The following CFAP61 variants were observed in gnomAD, a reference collection of about 807,000 sequenced individuals.
CFAP61 encodes the protein cilia- and flagella-associated protein 61.
CFAP61 carries 107 observed loss-of-function variants against 135.6 expected under a neutral mutation model. The ratio of observed to expected loss-of-function variants is 0.79; its 90% CI spans 0.67 to 0.93. The LOEUF (loss-of-function observed/expected upper bound fraction) is 0.93. Ranked by LOEUF, CFAP61 falls within the 40% of genes least tolerant of loss-of-function variation. The pLI is 0.00. For synonymous variants in CFAP61, 575 were observed against 578.5 expected (o/e 0.99, Z 0.09); for missense variants, 1,507 against 1,556.2 (o/e 0.97, Z 0.53).
intron 22 of CFAP61, among the ~76,000 whole-genome samples, chr20:20,283,087 A>T (rs996596852): frequency 1.3e-5 from 2 of 152,262 alleles, no homozygotes; most frequent in Admixed American, 1.3e-4. Context: ...TTCGACGCTC[A>T]TAAGTCTTTA....
At chr20:20,208,316 C>A (rs2056948931) in intron 17 of CFAP61, among the ~76,000 whole-genome samples, 1 of 152,214 alleles carries the variant, frequency 6.6e-6, no homozygotes, top group African/African-American at 2.4e-5. Flanking sequence ...AATTCTAGGT[C>A]ATTAAAGCTG....
At chr20:20,274,911 A>G (rs988970571) in intron 21 of CFAP61, among the ~76,000 whole-genome samples, 8 of 152,186 alleles carry the variant, frequency 5.3e-5, no homozygotes, top group Middle Eastern at 3.4e-3. Context: ...TTGAGATGAA[A>G]TCACTCAGGC....
At chr20:20,358,601 G>A (rs1203508082) in intron 26 of CFAP61, among the ~76,000 whole-genome samples, 1 of 152,184 alleles carries the variant, frequency 6.6e-6, no homozygotes, top group Non-Finnish European at 1.5e-5. Context: ...GAACCTCCCA[G>A]TACTTAGTTG....
Position 20,052,533 on chromosome 20 carries a change from G to A in CFAP61, c.-95G>A, listed in dbSNP as rs750771442. The A allele has an allele frequency of 4.3e-6, 7 of 1,614,140 alleles. No individual in the cohort carries two copies. The highest frequency in any genetic ancestry group is 1.3e-5 in the African/African-American group (1 of 74,960). On this transcript the variant is annotated 5_prime_UTR_variant, in exon 1 of 27. Transcript: ENST00000245957. The stretch of plus-strand genomic sequence containing the variant: ...GGCGGCACCGTTTCCATGGTGACCA[G>A]GCTGCGCGTCCTCCTTGCGGCAGCG...
At chr20:20,186,862 C>T (rs1479135712) in intron 13 of CFAP61, among the ~76,000 whole-genome samples, 2 of 152,092 alleles carry the variant, frequency 1.3e-5, no homozygotes, top group African/African-American at 4.8e-5. Context: ...AGTAATAATA[C>T]CCTAGTAACT....
chr20:20,120,149 C>T (rs572738441), intron 8 of CFAP61, among the ~76,000 whole-genome samples: 125 of 152,184 alleles, frequency 8.2e-4, no homozygotes, highest in Non-Finnish European at 1.4e-3. Flanking sequence ...TTTTTGCTCC[C>T]ATCTTTATTT....
At chr20:20,169,219 A>G in intron 12 of CFAP61, 102 bp from the exon 13 acceptor site, 1 of 1,135,502 alleles carries the variant, frequency 8.8e-7, no homozygotes, top group South Asian at 1.7e-5. Flanking sequence ...CTCCTTAATC[A>G]ACACATTTTG....
intron 22 of CFAP61, among the ~76,000 whole-genome samples, chr20:20,287,418 C>T (rs1275959625): frequency 2.0e-5 from 3 of 152,198 alleles, no homozygotes; most frequent in African/African-American, 7.2e-5. Context: ...CTATAGCTAA[C>T]TGAGCACTTA....
At chr20:20,134,775 A>C (rs1232525361) in intron 8 of CFAP61, among the ~76,000 whole-genome samples, 5 of 152,124 alleles carry the variant, frequency 3.3e-5, no homozygotes, top group Non-Finnish European at 7.4e-5. Flanking sequence ...AATAAGAGTG[A>C]ATGGATTATT....
intron 10 of CFAP61, among the ~76,000 whole-genome samples, chr20:20,161,561 AGT>A (rs1252262800): frequency 6.6e-6 from 1 of 152,150 alleles, no homozygotes; most frequent in Non-Finnish European, 1.5e-5. Flanking sequence ...ACTGGTGAAA[AGT>A]GTGTGAATTC....
chr20:20,151,345 C>A (rs376453694), intron 9 of CFAP61, among the ~76,000 whole-genome samples: 28 of 148,388 alleles, frequency 1.9e-4, no homozygotes, highest in South Asian at 2.1e-4. Context: ...CCCAATTAGA[C>A]AAAAAAAAAA....
chr20:20,251,914 C>T, intron 20 of CFAP61, 151 bp downstream of exon 20: 1 of 758,848 alleles, frequency 1.3e-6, no homozygotes, highest in Non-Finnish European at 2.1e-6. Context: ...CCCTTCAGGG[C>T]CCGCACACAT....
At chr20:20,268,645 G>C (rs1352807973) in intron 21 of CFAP61, among the ~76,000 whole-genome samples, 4 of 152,198 alleles carry the variant, frequency 2.6e-5, no homozygotes, top group South Asian at 2.1e-4. Flanking sequence ...ATGGAGAAGA[G>C]CTGACATCAC....
Position 20,360,256 on chromosome 20 carries a change from A to T in CFAP61, c.3560A>T (p.Asp1187Val). Reference protein sequence around the residue: ...SIEQLAHQIEDEEINPTEKPR... With the variant: ...SIEQLAHQIEVEEINPTEKPR... ...GAGCAGTTAGCCCATCAAATAGAAG[A>T]TGAGGAAATCAACCCGACTGAGAAG... Residue 1187 changes from aspartate to valine, a missense_variant, in exon 27 of 27, where the codon GAT (aspartate) becomes GTT (valine). Asp to Val is a radical substitution (Grantham distance 152). Coordinates refer to ENST00000245957, the MANE Select transcript of CFAP61 (RefSeq NM_015585.4). 3 of 1,613,990 alleles carry T rather than the reference A, an allele frequency of 1.9e-6. No homozygotes were observed. Among genetic ancestry groups the T allele is most frequent in the Non-Finnish European group, 2.5e-6 (3 of 1,180,006 alleles).
chr20:20,290,172 C>G (rs59405436), intron 23 of CFAP61, 128 bp from the exon 24 acceptor site: 2 of 673,492 alleles, frequency 3.0e-6, no homozygotes, highest in Non-Finnish European at 5.4e-6. Flanking sequence ...GTTAGTGGTA[C>G]TTTAGTGTGA....
At chr20:20,194,298 T>C (rs1351925813) in intron 15 of CFAP61, among the ~76,000 whole-genome samples, 2 of 152,208 alleles carry the variant, frequency 1.3e-5, no homozygotes, top group Non-Finnish European at 2.9e-5. Flanking sequence ...TCTCTAATTC[T>C]TCAGTTGTGT....
rs958562966 is a variant in CFAP61 at position 20,243,744 on chromosome 20, G to A, written c.2061-2373G>A. On this transcript the variant is annotated intron_variant, in intron 18 of 26. Coordinates refer to ENST00000245957, the MANE Select transcript of CFAP61 (RefSeq NM_015585.4). ...GAGCCACCATGCCTGGCCCCCCAAA[G>A]TCTTAAATCATTATAGCATTAACTC... 3.3e-5 allele frequency among the ~76,000 whole-genome samples: 5 copies of A among 152,066 alleles called. 1 individual carries two copies. Among genetic ancestry groups the A allele is most frequent in the Non-Finnish European group, 5.9e-5 (4 of 68,012 alleles).
At chr20:20,106,797 TTTG>T (rs2048439791) in intron 8 of CFAP61, among the ~76,000 whole-genome samples, 1 of 152,286 alleles carries the variant, frequency 6.6e-6, no homozygotes, top group Admixed American at 6.5e-5. Context: ...TAGATCACAG[TTTG>T]TTGTTGTTTT....
At chr20:20,286,266 G>A (rs180919956) in intron 22 of CFAP61, among the ~76,000 whole-genome samples, 18 of 152,352 alleles carry the variant, frequency 1.2e-4, no homozygotes, top group African/African-American at 3.8e-4. Context: ...GCCTGATAGT[G>A]GCGCCTCCTG....
Sources: allele counts gnomAD v4.1 joint callset (sites outside exome capture counted in the v4.1 genomes callset), GRCh38; gene constraint gnomAD v4.1.1; transcripts MANE v1.5; gene names NCBI Gene and HGNC (gene_info 2026-07-23, HGNC 2026-07-21).